The following RRAS2 variants were observed in gnomAD, a reference collection of about 807,000 sequenced individuals.
The protein encoded by RRAS2 is ras-related protein R-Ras2.
In RRAS2, 7 loss-of-function variants were observed where a neutral mutation model predicts 27.6. That is an observed-to-expected ratio of 0.25 (90% CI 0.14 to 0.48). The LOEUF is 0.48. Among genes scored for constraint, RRAS2 ranks in the 20% least tolerant of loss-of-function variants. RRAS2 has a pLI of 0.99. For synonymous variants in RRAS2, 86 were observed against 90.9 expected (o/e 0.95, Z 0.31); for missense variants, 178 against 256.2 (o/e 0.69, Z 2.08).
At chr11:14,360,017 A>G (rs1337421488), upstream of RRAS2, among the ~76,000 whole-genome samples, 2 of 152,150 alleles carry the variant, frequency 1.3e-5, no homozygotes, top group African/African-American at 4.8e-5. Context: ...GCAGCAGAAG[A>G]GATGCTGCCT....
chr11:14,361,478 G>A (rs1029275303), upstream of RRAS2, among the ~76,000 whole-genome samples: 2 of 151,762 alleles, frequency 1.3e-5, no homozygotes, highest in East Asian at 3.9e-4. Context: ...TCAGTGAGCC[G>A]AGCTCGGGGC....
At chr11:14,283,351 G>T (rs1176566213) in intron 4 of RRAS2, among the ~76,000 whole-genome samples, 6 of 152,212 alleles carry the variant, frequency 3.9e-5, no homozygotes, top group African/African-American at 1.4e-4. Context: ...CTGTGTTCAT[G>T]AGAGATATTG....
At chr11:14,312,639 A>G (rs1848001176) in intron 1 of RRAS2, among the ~76,000 whole-genome samples, 1 of 151,920 alleles carries the variant, frequency 6.6e-6, no homozygotes, top group African/African-American at 2.4e-5. Flanking sequence ...CAGGCTGGTC[A>G]TCAACTCCTG....
chr11:14,283,548 T>C (rs1300515041), intron 4 of RRAS2, among the ~76,000 whole-genome samples: 1 of 152,220 alleles, frequency 6.6e-6, no homozygotes, highest in Non-Finnish European at 1.5e-5. Flanking sequence ...AAGTTTTCTT[T>C]GAGGTACGTT....
At chr11:14,284,256 T>G (rs1258843718) in intron 4 of RRAS2, among the ~76,000 whole-genome samples, 1 of 152,196 alleles carries the variant, frequency 6.6e-6, no homozygotes, top group African/African-American at 2.4e-5. Context: ...TCATGATACT[T>G]TGTAATTTCC....
At chr11:14,292,565 T>C (rs1554945933) in intron 4 of RRAS2, among the ~76,000 whole-genome samples, 1 of 151,936 alleles carries the variant, frequency 6.6e-6, no homozygotes, top group African/African-American at 2.4e-5. Flanking sequence ...TTTAGAAACC[T>C]CAAGGAAATG....
At chr11:14,364,472 G>A in exon 1 of RRAS2, 1 of 1,342,012 alleles carries the variant, frequency 7.5e-7, no homozygotes, top group Non-Finnish European at 1.0e-6. Context: ...GGCAGAGAAT[G>A]AAACCGCCCA....
intron 1 of RRAS2, among the ~76,000 whole-genome samples, chr11:14,340,459 C>A (rs1291874242): frequency 3.3e-5 from 5 of 151,882 alleles, no homozygotes; most frequent in Admixed American, 3.3e-4. Flanking sequence ...GCCCTTTACA[C>A]AAAAAAGTTT....
chr11:14,360,913 C>CAA (rs78581800), upstream of RRAS2, among the ~76,000 whole-genome samples: 7 of 94,434 alleles, frequency 7.4e-5, no homozygotes, highest in Middle Eastern at 7.6e-3. Flanking sequence ...AATGCGGGCT[C>CAA]AAAAAAAAAA....
chr11:14,282,737 A>G (rs1217502184), intron 4 of RRAS2, among the ~76,000 whole-genome samples: 4 of 152,172 alleles, frequency 2.6e-5, no homozygotes, highest in African/African-American at 7.2e-5. Flanking sequence ...TCAATGATAC[A>G]TAGTTTTTAA....
intron 4 of RRAS2, among the ~76,000 whole-genome samples, chr11:14,287,491 T>C (rs1170851250): frequency 3.3e-5 from 5 of 152,142 alleles, no homozygotes; most frequent in Admixed American, 3.3e-4. Flanking sequence ...TGCTCCATTA[T>C]TCCTCAAAAA....
At chr11:14,326,019 G>GT (rs782394190) in intron 1 of RRAS2, among the ~76,000 whole-genome samples, 1 of 152,158 alleles carries the variant, frequency 6.6e-6, no homozygotes, top group East Asian at 1.9e-4. Flanking sequence ...AATTTAAGAT[G>GT]TTTTTTAAGA....
At chr11:14,280,466 C>T (rs376870279) in intron 5 of RRAS2, among the ~76,000 whole-genome samples, 2 of 151,976 alleles carry the variant, frequency 1.3e-5, no homozygotes, top group East Asian at 1.9e-4. Flanking sequence ...CGGTGGCTCA[C>T]GCTGTAATCC....
Position 14,358,634 on chromosome 11 carries a change from C to A in RRAS2, c.108+129G>T. On this transcript the variant is annotated intron_variant, in intron 1 of 5. Transcript: ENST00000256196. This position sits in a 1 kb window ranked among gnomAD's most constrained non-coding sequence, Gnocchi z 5.1. ...GAGCGTAGTCGGCCCCGCGCCCTCC[C>A]GCCCCCTGGCCCCGGCCCGGGCCCG... 2.1e-5 allele frequency: 21 copies of A among 976,752 alleles called. No individual in the cohort carries two copies. Among genetic ancestry groups the A allele is most frequent in the South Asian group, 4.6e-5 (1 of 21,554 alleles). 60.5% of individuals were successfully genotyped at this position (976,752 alleles called of 1,614,324 possible). A position where few individuals can be genotyped will look rare whatever the true frequency, so the allele number is the denominator to read the frequency against.
intron 1 of RRAS2, among the ~76,000 whole-genome samples, chr11:14,309,493 A>G (rs1364825494): frequency 6.6e-6 from 1 of 152,230 alleles, no homozygotes; most frequent in Non-Finnish European, 1.5e-5. Flanking sequence ...CAGAGGTGAT[A>G]GGAACTCTGA....
chr11:14,296,702 T>C (rs1213411743), intron 1 of RRAS2, among the ~76,000 whole-genome samples: 1 of 152,184 alleles, frequency 6.6e-6, no homozygotes, highest in Non-Finnish European at 1.5e-5. Context: ...TTTGAAATTT[T>C]TTCATTAGTA....
chr11:14,327,303 G>A (rs1554951148), intron 1 of RRAS2, among the ~76,000 whole-genome samples: 1 of 152,174 alleles, frequency 6.6e-6, no homozygotes, highest in African/African-American at 2.4e-5. Flanking sequence ...TAGCTGAAGA[G>A]AGGATGGTCA....
intron 4 of RRAS2, 83 bp from the exon 5 acceptor site, chr11:14,281,803 T>C: frequency 2.4e-6 from 3 of 1,241,400 alleles, no homozygotes; most frequent in Non-Finnish European, 3.4e-6. Context: ...ATTGTGCTAA[T>C]AATTCAGCCA....
At chr11:14,318,923 G>A (rs1362494569) in intron 1 of RRAS2, among the ~76,000 whole-genome samples, 7 of 152,156 alleles carry the variant, frequency 4.6e-5, no homozygotes, top group Non-Finnish European at 1.5e-5. Flanking sequence ...CATTTACTAT[G>A]TGTCAGGCAC....
Sources: allele counts gnomAD v4.1 joint callset (sites outside exome capture counted in the v4.1 genomes callset), GRCh38; gene constraint gnomAD v4.1.1; non-coding constraint Gnocchi (gnomAD v3.1); transcripts MANE v1.5; gene names NCBI Gene and HGNC (gene_info 2026-07-23, HGNC 2026-07-21).